PFN1: variants seen among roughly 807,000 people sequenced by gnomAD.
PFN1 encodes profilin-1.
In PFN1, 2 loss-of-function variants were observed where a neutral mutation model predicts 11.7. The observed-to-expected ratio is 0.17, with a 90% CI of 0.07 to 0.54. PFN1 has a LOEUF of 0.54. Among genes scored for constraint, PFN1 ranks in the 20% least tolerant of loss-of-function variants. The pLI, the probability that PFN1 is intolerant of heterozygous loss-of-function variation, is 0.94. For missense variants in PFN1, 97 were observed against 188.4 expected, an observed-to-expected ratio of 0.51 and a Z score of 2.84; for synonymous variants, 78 against 76.2, an observed-to-expected ratio of 1.02 and a Z score of -0.12.
intron 1 of PFN1, among the ~76,000 whole-genome samples, chr17:4,947,819 G>A (rs920953955): frequency 1.3e-5 from 2 of 152,182 alleles, no homozygotes; most frequent in African/African-American, 2.4e-5. Flanking sequence ...CACGCGCCTG[G>A]GGCTCCCTTC....
rs1157169187 is a variant in PFN1, at chr17:4,948,250, G to C, written c.132+13C>G. ...CCGGAGCAGTGCCCCGGACCGCGCA[G>C]GCCTCGCAGTACCGTGATGTTGACG... On this transcript the variant is annotated intron_variant, in intron 1 of 2. Transcript: ENST00000225655. 2 of 1,595,398 alleles carry C rather than the reference G, an allele frequency of 1.3e-6. No individual in the cohort carries two copies. Among genetic ancestry groups the C allele is most frequent in the East Asian group, 2.3e-5 (1 of 42,816 alleles).
chr17:4,946,307 C>A (rs973687822), intron 2 of PFN1, among the ~76,000 whole-genome samples: 1 of 152,204 alleles, frequency 6.6e-6, no homozygotes, highest in African/African-American at 2.4e-5. Context: ...CAGGTTCTAA[C>A]AAAAGAACTC....
rs138146121 is a variant in PFN1, at chr17:4,946,604, G to A, written c.325+24C>T. On this transcript the variant is annotated intron_variant, in intron 2 of 2. Coordinates refer to ENST00000225655, the MANE Select transcript of PFN1 (RefSeq NM_005022.4). ...TACATTAGAGATCTTGGAGCTAAAGGAAGGGTAAGACTCAGGAACTCACTC... is the reference window on the plus strand; with the variant it reads ...TACATTAGAGATCTTGGAGCTAAAGAAAGGGTAAGACTCAGGAACTCACTC... The A allele has an allele frequency of 5.2e-5, 82 of 1,565,742 alleles. No individual in the cohort carries two copies. The African/African-American group carries it at 9.8e-4, about 19-fold the overall frequency.
chr17:4,948,236 C>G, intron 1 of PFN1, 27 bp downstream of exon 1: 3 of 1,585,414 alleles, frequency 1.9e-6, no homozygotes, highest in Non-Finnish European at 2.6e-6. Context: ...CGGAGCAGTG[C>G]CCCGGACCGC....
chr17:4,945,812 G>A lies in PFN1; in HGVS notation c.*88C>T. On this transcript the variant is annotated 3_prime_UTR_variant, in exon 3 of 3. Transcript: ENST00000225655. ...CAGCAATAAGGGGTATGGGGTAATG[G>A]CCCAAAAAATAAAATGGTTTGTGTG... 1 of 913,664 alleles carries A rather than the reference G, an allele frequency of 1.1e-6. No homozygotes were observed. Among genetic ancestry groups the A allele is most frequent in the Non-Finnish European group, 1.8e-6 (1 of 558,152 alleles). 56.6% of individuals were successfully genotyped at this position (913,664 alleles called of 1,614,324 possible).
rs973869918 is a variant in PFN1 at position 4,947,082 on chromosome 17, G to A, written c.133-262C>T. On this transcript the variant is annotated intron_variant, in intron 1 of 2. Coordinates refer to ENST00000225655, the MANE Select transcript of PFN1 (RefSeq NM_005022.4). ...GACATACTCCTCTAGAGATTTAGAT[G>A]TCAGTGTTAATGGGGAAAGTAAACC... 3 of 316,156 alleles carry A rather than the reference G, an allele frequency of 9.5e-6. 1 individual carries two copies. The highest frequency in any genetic ancestry group is 1.8e-4 in the South Asian group (2 of 11,254). The allele number at this position is 316,156 out of a possible 1,614,324, so 19.6% of individuals were successfully genotyped here.
In PFN1 at chr17:4,947,011, GATC is replaced by G. The variant is rs768838136; in HGVS notation, c.133-194_133-192del. On this transcript the variant is annotated intron_variant, in intron 1 of 2. Coordinates refer to ENST00000225655, the MANE Select transcript of PFN1 (RefSeq NM_005022.4). ...ACTGTGGGACGTTAGTGCAGAAAAAGATCATGATTCTGAAACTTAGAATATGGA... is the reference window on the plus strand; with the variant it reads ...ACTGTGGGACGTTAGTGCAGAAAAAGATGATTCTGAAACTTAGAATATGGA... The G allele has an allele frequency of 5.4e-4, 257 of 479,240 alleles. 3 individuals carry two copies. Among genetic ancestry groups the G allele is most frequent in the South Asian group, 1.7e-3 (44 of 26,428 alleles). 29.7% of individuals were successfully genotyped at this position (479,240 alleles called of 1,614,324 possible).
At chr17:4,948,217 G>A (rs1199745602) in intron 1 of PFN1, 46 bp downstream of exon 1, 4 of 1,544,224 alleles carry the variant, frequency 2.6e-6, no homozygotes, top group African/African-American at 2.8e-5. Flanking sequence ...CCTCCCTCAG[G>A]GTCCAAACCG....
At position 4,948,434 on chromosome 17, in the gene PFN1, G is replaced by A. The variant is rs1597690516; in HGVS notation, c.-40C>T. ...GGCTGCTCTCGGCGCTGCTGCTGGG[G>A]CCGCGGACTGGGCTCGAGCTGCCTC... is the stretch of plus-strand genomic sequence containing the variant. On this transcript the variant is annotated 5_prime_UTR_variant, in exon 1 of 3. Transcript: ENST00000225655. The A allele has an allele frequency of 1.9e-6, 3 of 1,560,906 alleles. No homozygotes were observed. Among genetic ancestry groups the A allele is most frequent in the South Asian group, 1.2e-5 (1 of 86,388 alleles).
At chr17:4,947,701 A>G (rs181752553) in intron 1 of PFN1, among the ~76,000 whole-genome samples, 51 of 152,100 alleles carry the variant, frequency 3.4e-4, no homozygotes, top group Non-Finnish European at 7.1e-4. Flanking sequence ...GCCTCGCAGG[A>G]ATGTTGAATC....
At chr17:4,948,204 G>A in intron 1 of PFN1, 59 bp downstream of exon 1, 126 of 1,129,466 alleles carry the variant, frequency 1.1e-4, no homozygotes, top group Non-Finnish European at 1.5e-4. Flanking sequence ...CCCCACCCAA[G>A]TCCCTCCCTC....
At chr17:4,946,103 C>T in intron 2 of PFN1, 106 bp from the exon 3 acceptor site, 1 of 758,028 alleles carries the variant, frequency 1.3e-6, no homozygotes, top group Admixed American at 2.1e-5. Flanking sequence ...AACCCAACCT[C>T]ATCTCTCCCA....
In PFN1 at chr17:4,945,874, C is replaced by G. The variant is rs1804220; in HGVS notation, c.*26G>C. On this transcript the variant is annotated 3_prime_UTR_variant, in exon 3 of 3. Coordinates refer to ENST00000225655, the MANE Select transcript of PFN1 (RefSeq NM_005022.4). ...GAAAGGGGTGCAAAGCTGTGGGGAG[C>G]GGTGAAGGGGAAGGGACAGACGAGG... 1 of 1,387,738 alleles carries G rather than the reference C, an allele frequency of 7.2e-7. No individual in the cohort carries two copies. Among genetic ancestry groups the G allele is most frequent in the Non-Finnish European group, 1.0e-6 (1 of 974,204 alleles). The allele number at this position is 1,387,738 out of a possible 1,614,324, so 86.0% of individuals were successfully genotyped here. A position where few individuals can be genotyped will look rare whatever the true frequency, so the allele number is the denominator to read the frequency against.
intron 1 of PFN1, 160 bp from the exon 2 acceptor site, chr17:4,946,980 CTG>C: frequency 1.9e-6 from 1 of 520,678 alleles, no homozygotes; most frequent in Non-Finnish European, 3.3e-6. Flanking sequence ...GTGAGAAACT[CTG>C]AGGACTGTGG....
intron 1 of PFN1, chr17:4,947,508 C>G (rs1194818327): frequency 6.6e-6 from 1 of 151,250 alleles, no homozygotes; most frequent in Admixed American, 6.7e-5. Context: ...CCCTTCCCCC[C>G]CCTTTTGAAC....
chr17:4,946,895 T>C, intron 1 of PFN1, 75 bp from the exon 2 acceptor site: 1 of 1,374,454 alleles, frequency 7.3e-7, no homozygotes, highest in South Asian at 1.3e-5. Context: ...AAGACCCACC[T>C]GTCTTCCACT....
At position 4,945,653 on chromosome 17, in the gene PFN1, T is replaced by G; in HGVS notation, c.*247A>C. ...CCCAAGCTCAAATCACACAGCACCT[T>G]GTTAGTAGAATCTTTTTTATTCAGA... On this transcript the variant is annotated 3_prime_UTR_variant, in exon 3 of 3. Coordinates refer to ENST00000225655, the MANE Select transcript of PFN1 (RefSeq NM_005022.4). 5.1e-6 allele frequency: 2 copies of G among 392,820 alleles called. No homozygotes were observed. Among genetic ancestry groups the G allele is most frequent in the Non-Finnish European group, 4.7e-6 (1 of 214,446 alleles). The allele number at this position is 392,820 out of a possible 1,614,324, so 24.3% of individuals were successfully genotyped here. A position where few individuals can be genotyped will look rare whatever the true frequency, so the allele number is the denominator to read the frequency against.
intron 1 of PFN1, 111 bp downstream of exon 1, chr17:4,948,152 C>G (rs2151135999): frequency 7.7e-7 from 1 of 1,291,522 alleles, no homozygotes; most frequent in South Asian, 1.5e-5. Flanking sequence ...AGGGCAAGCA[C>G]CCAGTCAGGG....
At position 4,948,250 on chromosome 17, in the gene PFN1, G is replaced by A. The variant is rs1157169187; in HGVS notation, c.132+13C>T. ...CCGGAGCAGTGCCCCGGACCGCGCA[G>A]GCCTCGCAGTACCGTGATGTTGACG... On this transcript the variant is annotated intron_variant, in intron 1 of 2. Coordinates refer to ENST00000225655, the MANE Select transcript of PFN1 (RefSeq NM_005022.4). 1.9e-6 allele frequency: 3 copies of A among 1,595,398 alleles called. No individual in the cohort carries two copies. Among genetic ancestry groups the A allele is most frequent in the Non-Finnish European group, 2.6e-6 (3 of 1,171,894 alleles).
Sources: allele counts gnomAD v4.1 joint callset (sites outside exome capture counted in the v4.1 genomes callset), GRCh38; gene constraint gnomAD v4.1.1; transcripts MANE v1.5; gene names NCBI Gene and HGNC (gene_info 2026-07-23, HGNC 2026-07-21).